The following OAS3 variants were observed in gnomAD, a reference collection of about 807,000 sequenced individuals.
OAS3 encodes 2'-5'-oligoadenylate synthetase 3, also known as 2'-5'-oligoadenylate synthase 3.
A neutral mutation model predicts 113.0 loss-of-function variants in OAS3; 107 were observed. The ratio of observed to expected loss-of-function variants is 0.95; its 90% CI spans 0.81 to 1.11. OAS3 has a LOEUF of 1.11. Among genes scored for constraint, OAS3 ranks in the 50% most tolerant of loss-of-function variants. The pLI is 0.00. For missense variants in OAS3, 1,258 were observed against 1,389.1 expected (o/e 0.91, Z 1.50); for synonymous variants, 552 against 573.6 (o/e 0.96, Z 0.54).
Position 112,948,885 on chromosome 12 carries a change from G to A in OAS3, c.1054G>A (p.Gly352Ser), listed in dbSNP as rs1463299295. 1 of 1,589,776 alleles carries A rather than the reference G, an allele frequency of 6.3e-7. No homozygotes were observed. Among genetic ancestry groups the A allele is most frequent in the Non-Finnish European group, 8.6e-7 (1 of 1,167,568 alleles). Residue 352 changes from glycine (G) to serine (S), a missense_variant, in exon 6 of 16, where the codon GGT becomes AGT. Gly to Ser is a moderately conservative substitution (Grantham distance 56). Transcript: ENST00000228928. ...GPGLPRAGCS[G>S]LGHPIQLDPN... ...GGGCCTTCCACGTGCTGGATGCTCA[G>A]GTTTGGGCCACCCCATCCAGCTAGA...
Position 112,950,787 on chromosome 12 carries a change from G to T in OAS3, c.1469G>T (p.Gly490Val). ...TGCTTCACGGACTACAAGGACCAGG[G>T]GCCCCGCCGCGCAGAGATCCTTGAT... ...LNCFTDYKDQ[G>V]PRRAEILDEM... The change falls in exon 7 of 16, where the codon GGG becomes GTG. Residue 490 changes from glycine to valine, a missense_variant. Gly to Val is a moderately radical substitution (Grantham distance 109). Coordinates refer to ENST00000228928, the MANE Select transcript of OAS3 (RefSeq NM_006187.4). 1 of 1,614,008 alleles carries T rather than the reference G, an allele frequency of 6.2e-7. No homozygotes were observed. The highest frequency in any genetic ancestry group is 8.5e-7 in the Non-Finnish European group (1 of 1,179,900).
rs1880236293 is a variant in OAS3, at chr12:112,941,711, T to C, written c.319T>C (p.Ser107Pro). Residue 107 changes from serine to proline, a missense_variant, in exon 2 of 16, where the codon TCC (serine) becomes CCC (proline). Coordinates refer to ENST00000228928, the MANE Select transcript of OAS3 (RefSeq NM_006187.4). Reference sequence around the variant, plus strand: ...CAGTGAGATGCGGGCATCGCTGGAATCCTGGTGGCAGAACCCAGTCCCTGG... The same window carrying C: ...CAGTGAGATGCGGGCATCGCTGGAACCCTGGTGGCAGAACCCAGTCCCTGG... ...ILSEMRASLE[S>P]WWQNPVPGLR... 1 of 1,614,036 alleles carries C rather than the reference T, an allele frequency of 6.2e-7. No homozygotes were observed. Among genetic ancestry groups the C allele is most frequent in the African/African-American group, 1.3e-5 (1 of 75,046 alleles).
chr12:112,942,809 G>GTTATTATTA (rs150839864), intron 2 of OAS3, among the ~76,000 whole-genome samples: 4 of 147,284 alleles, frequency 2.7e-5, no homozygotes, highest in Non-Finnish European at 4.5e-5. Flanking sequence ...TATTATTATT[G>GTTATTATTA]TTATTATTAT....
intron 7 of OAS3, 121 bp from the exon 8 acceptor site, chr12:112,960,950 T>G: frequency 1.1e-6 from 1 of 895,356 alleles, no homozygotes; most frequent in Non-Finnish European, 1.8e-6. Context: ...TAGTGTATTA[T>G]TGATTGCAAT....
rs2043970431 is a variant in OAS3 at position 112,970,036 on chromosome 12, G to A, written c.*63G>A. The A allele has an allele frequency of 5.1e-6, 8 of 1,571,322 alleles. No individual in the cohort carries two copies. The highest frequency in any genetic ancestry group is 6.9e-6 in the Non-Finnish European group (8 of 1,152,116). On this transcript the variant is annotated 3_prime_UTR_variant, in exon 16 of 16. Coordinates refer to ENST00000228928, the MANE Select transcript of OAS3 (RefSeq NM_006187.4). ...GATGGACACCAGCCCTCAGCATGAG[G>A]AAATTCAGGGTCCCCTACCAGATGA...
chr12:112,969,529 G>T, intron 14 of OAS3, 79 bp from the exon 15 acceptor site: 1 of 1,519,146 alleles, frequency 6.6e-7, no homozygotes. Flanking sequence ...AGATAAAAGG[G>T]GAAAATAGTC....
rs1271465975 is a variant in OAS3 at position 112,971,190 on chromosome 12, T to C, written c.*1217T>C. 1 of 152,482 alleles carries C rather than the reference T, an allele frequency of 6.6e-6. No homozygotes were observed. Among genetic ancestry groups the C allele is most frequent in the Admixed American group, 6.5e-5 (1 of 15,302 alleles). 9.4% of individuals were successfully genotyped at this position (152,482 alleles called of 1,614,324 possible). A position where few individuals can be genotyped will look rare whatever the true frequency, so the allele number is the denominator to read the frequency against. On this transcript the variant is annotated 3_prime_UTR_variant, in exon 16 of 16. Transcript: ENST00000228928. ...GAAGGCAGAGGCCACCACTGGACTA[T>C]TGGTTTCAATATTAGACCACTGTAG...
rs2043972464 is a variant in OAS3, at chr12:112,970,174, A to G, written c.*201A>G. Reference sequence around the variant, plus strand: ...CAGCTCACACACTCCCCTGCCTCCCATGGCTTACACACTAGGATCCAGACT... The same window carrying G: ...CAGCTCACACACTCCCCTGCCTCCCGTGGCTTACACACTAGGATCCAGACT... On this transcript the variant is annotated 3_prime_UTR_variant, in exon 16 of 16. Transcript: ENST00000228928. The G allele has an allele frequency of 9.2e-6, 6 of 655,152 alleles. No individual in the cohort carries two copies. The highest frequency in any genetic ancestry group is 1.6e-5 in the Non-Finnish European group (6 of 370,066). 40.6% of individuals were successfully genotyped at this position (655,152 alleles called of 1,614,324 possible).
At position 112,964,316 on chromosome 12, in the gene OAS3, G is replaced by T. The variant is rs2043914864; in HGVS notation, c.2311G>T (p.Ala771Ser). Residue 771 changes from alanine to serine, a missense_variant, in exon 11 of 16, where the codon GCC becomes TCC. By Grantham distance (99) the Ala-to-Ser change is moderately conservative. Transcript: ENST00000228928. ...EFLQPNRQFL[A>S]QVNKAVDTIC... ...TCTCCAGCCCAACCGCCAGTTCCTG[G>T]CCCAGGTGAACAAGGCCGTTGATAC... The T allele has an allele frequency of 6.2e-7, 1 of 1,610,398 alleles. No individual in the cohort carries two copies. The highest frequency in any genetic ancestry group is 8.5e-7 in the Non-Finnish European group (1 of 1,178,406).
intron 7 of OAS3, among the ~76,000 whole-genome samples, chr12:112,952,296 G>A (rs2043799945): frequency 6.6e-6 from 1 of 151,784 alleles, no homozygotes; most frequent in African/African-American, 2.4e-5. Context: ...AGTTATCTTT[G>A]TCTTAAAGCC....
At chr12:112,961,335 C>T in intron 8 of OAS3, 89 bp downstream of exon 8, 4 of 1,196,378 alleles carry the variant, frequency 3.3e-6, no homozygotes, top group South Asian at 2.9e-5. Context: ...CCACATCTCC[C>T]CTCCTTTGCT....
At chr12:112,966,998 T>TA (rs2043939938) in intron 12 of OAS3, among the ~76,000 whole-genome samples, 1 of 152,194 alleles carries the variant, frequency 6.6e-6, no homozygotes, top group Non-Finnish European at 1.5e-5. Context: ...AGAATTTGGA[T>TA]ATTAAGGAAT....
At chr12:112,951,728 G>A (rs2043794140) in intron 7 of OAS3, among the ~76,000 whole-genome samples, 1 of 151,884 alleles carries the variant, frequency 6.6e-6, no homozygotes, top group South Asian at 2.1e-4. Flanking sequence ...CAGGCATGGT[G>A]GATCACACCT....
rs144019434 is a variant in OAS3, at chr12:112,968,030, C to G, written c.2960C>G (p.Ser987Cys). The G allele has an allele frequency of 1.5e-4, 236 of 1,614,018 alleles. No individual in the cohort carries two copies. The African/African-American group carries it at 3.0e-3, about 21-fold the overall frequency. The part of the protein sequence containing the change: ...VYAWEQGGKD[S>C]QFNMAEGFRT... ...GCCTGGGAGCAGGGCGGGAAGGACT[C>G]CCAGTTCAACATGGCTGAGGGCTTC... is the stretch of plus-strand genomic sequence containing the variant. Residue 987 changes from serine to cysteine, a missense_variant, in exon 14 of 16, where the codon TCC becomes TGC. Transcript: ENST00000228928.
At chr12:112,967,316 G>A in intron 12 of OAS3, 102 bp from the exon 13 acceptor site, 1 of 1,193,748 alleles carries the variant, frequency 8.4e-7, no homozygotes, top group Non-Finnish European at 1.2e-6. Flanking sequence ...CCACCCTTAG[G>A]AAAACACCCA....
At chr12:112,955,043 TG>T (rs1406528624) in intron 7 of OAS3, among the ~76,000 whole-genome samples, 3 of 152,236 alleles carry the variant, frequency 2.0e-5, no homozygotes, top group Non-Finnish European at 4.4e-5. Context: ...TCACATCCAT[TG>T]TAAGTTGGAT....
chr12:112,946,473 C>T (rs922602572), intron 3 of OAS3, among the ~76,000 whole-genome samples: 2 of 152,134 alleles, frequency 1.3e-5, no homozygotes, highest in Non-Finnish European at 2.9e-5. Context: ...TTTCAGACTA[C>T]CCTTGGCTTC....
intron 1 of OAS3, among the ~76,000 whole-genome samples, chr12:112,940,457 G>A (rs1379876549): frequency 6.6e-6 from 1 of 152,154 alleles, no homozygotes; most frequent in Non-Finnish European, 1.5e-5. Flanking sequence ...GTTTTGTGTT[G>A]GAAGTGAGAT....
Position 112,970,975 on chromosome 12 carries a change from A to G in OAS3, c.*1002A>G, listed in dbSNP as rs1425290343. On this transcript the variant is annotated 3_prime_UTR_variant, in exon 16 of 16. Coordinates refer to ENST00000228928, the MANE Select transcript of OAS3 (RefSeq NM_006187.4). ...CCTAAACTGAGCCAGTGGCCAAACAACCGTGCTCAGCCTGTTTCTCTCTGC... is the reference window on the plus strand; with the variant it reads ...CCTAAACTGAGCCAGTGGCCAAACAGCCGTGCTCAGCCTGTTTCTCTCTGC... 2 of 152,140 alleles carry G rather than the reference A, an allele frequency of 1.3e-5. No individual in the cohort carries two copies. Among genetic ancestry groups the G allele is most frequent in the Non-Finnish European group, 2.9e-5 (2 of 68,078 alleles). 9.4% of individuals were successfully genotyped at this position (152,140 alleles called of 1,614,324 possible).
Sources: allele counts gnomAD v4.1 joint callset (sites outside exome capture counted in the v4.1 genomes callset), GRCh38; gene constraint gnomAD v4.1.1; transcripts MANE v1.5; gene names NCBI Gene and HGNC (gene_info 2026-07-23, HGNC 2026-07-21).